The following TTN variants were observed in gnomAD, a reference collection of about 807,000 sequenced individuals.
The protein encoded by TTN is titin.
Under a neutral mutation model 3,223.0 loss-of-function variants are expected in TTN, and 1,525 were observed. That is an observed-to-expected ratio of 0.47 (90% confidence interval 0.45 to 0.49). TTN has a LOEUF of 0.49. Ranked by LOEUF, TTN falls within the 20% of genes least tolerant of loss-of-function variation. The pLI is 0.00. For synonymous variants in TTN, 14,094 were observed against 15,161.0 expected, an observed-to-expected ratio of 0.93 and a Z score of 5.17; for missense variants, 40,786 against 43,424.0, an observed-to-expected ratio of 0.94 and a Z score of 5.40.
chr2:178,574,295 G>A lies in TTN; in HGVS notation c.71837C>T (p.Ala23946Val). ...ITRHTVTLKW[A>V]KPEYTGGFKI... ...AAAGCCCCCAGTATATTCAGGCTTA[G>A]CCCATTTAAGTGTTACTGTGTGTCT... is the stretch of plus-strand genomic sequence containing the variant. Residue 23946 changes from alanine (A) to valine (V), a missense_variant, in exon 326 of 363, where the codon GCT (alanine) becomes GTT (valine). Ala to Val is a moderately conservative substitution (Grantham distance 64). Coordinates refer to ENST00000589042, the MANE Select transcript of TTN (RefSeq NM_001267550.2). 1 of 1,613,414 alleles carries A rather than the reference G, an allele frequency of 6.2e-7. No homozygotes were observed.
rs1005621705 is a variant in TTN at position 178,570,219 on chromosome 2, G to A, written c.75913C>T (p.Pro25305Ser). 17 of 1,613,344 alleles carry A rather than the reference G, an allele frequency of 1.1e-5. No individual in the cohort carries two copies. Among genetic ancestry groups the A allele is most frequent in the Non-Finnish European group, 1.4e-5 (17 of 1,179,596 alleles). Residue 25305 changes from proline to serine, a missense_variant, in exon 326 of 363, where the codon CCA (proline) becomes TCA (serine). Coordinates refer to ENST00000589042, the MANE Select transcript of TTN (RefSeq NM_001267550.2). ...ACTTCTGGAGCTTTTGGTGCATCTG[G>A]TACTACAAATGGATTCTTGGCAACT... ...PVVAKNPFVV[P>S]DAPKAPEVTT...
At position 178,767,864 on chromosome 2, in the gene TTN, A is replaced by G. The variant is rs2090765754; in HGVS notation, c.9366T>C (p.Ser3122=). 1 of 1,613,988 alleles carries G rather than the reference A, an allele frequency of 6.2e-7. No homozygotes were observed. The highest frequency in any genetic ancestry group is 8.5e-7 in the Non-Finnish European group (1 of 1,180,000). The change falls in exon 40 of 363, where the codon TCT becomes TCC. Residue 3122 remains serine (S), a synonymous_variant. Coordinates refer to ENST00000589042, the MANE Select transcript of TTN (RefSeq NM_001267550.2). ...CCACCACTGTGTACTTCCCAGCATC[A>G]GACATCCGGGTGGATGGGATCAGAA... is the stretch of plus-strand genomic sequence containing the variant. ...HRLLIPSTRM[S]DAGKYTVVAG... is the part of the protein sequence containing the mutation.
chr2:178,673,669 G>C lies in TTN; in HGVS notation c.34750C>G (p.Pro11584Ala). Residue 11584 changes from proline (P) to alanine (A), a missense_variant, in exon 152 of 363, where the codon CCT becomes GCT. By Grantham distance (27) the Pro-to-Ala change is conservative. Coordinates refer to ENST00000589042, the MANE Select transcript of TTN (RefSeq NM_001267550.2). ...IKKAVPEAPT[P>A]VPKKVEAPPA... ...GGTGCCTCCACTTTTTTAGGAACAG[G>C]AGTAGGTGCTTCAGGTACTGCTTTC... 2 of 1,593,228 alleles carry C rather than the reference G, an allele frequency of 1.3e-6. No homozygotes were observed. The highest frequency in any genetic ancestry group is 1.4e-5 in the African/African-American group (1 of 73,660).
At chr2:178,665,572 A>C in intron 164 of TTN, 112 bp from the exon 165 acceptor site, 1 of 1,355,878 alleles carries the variant, frequency 7.4e-7, no homozygotes, top group African/African-American at 1.4e-5. Context: ...CCTTTAAAGA[A>C]TCTGAGGAGG....
intron 294 of TTN, 54 bp from the exon 295 acceptor site, chr2:178,595,863 C>T: frequency 4.0e-6 from 6 of 1,494,172 alleles, no homozygotes; most frequent in South Asian, 3.9e-5. Context: ...AAAGATAATG[C>T]TCAACACTTG....
Position 178,543,536 on chromosome 2 carries a change from T to A in TTN, c.96437A>T (p.Glu32146Val), listed in dbSNP as rs1455005015. Residue 32146 changes from glutamate (E) to valine (V), a missense_variant, in exon 347 of 363, where the codon GAA becomes GTA. Glu to Val is a moderately radical substitution (Grantham distance 121). Transcript: ENST00000589042. ...PVNNYIVEKREAAMRAFKTVT... is the reference protein window; with the variant it reads ...PVNNYIVEKRVAAMRAFKTVT... ...TGTTTTGAATGCTCTCATAGCAGCTTCACGCTTCTCAACGATGTAATTGTT... is the reference window on the plus strand; with the variant it reads ...TGTTTTGAATGCTCTCATAGCAGCTACACGCTTCTCAACGATGTAATTGTT... 1 of 1,612,936 alleles carries A rather than the reference T, an allele frequency of 6.2e-7. No individual in the cohort carries two copies. Among genetic ancestry groups the A allele is most frequent in the Admixed American group, 1.7e-5 (1 of 60,004 alleles).
rs2154263836 is a variant in TTN, at chr2:178,670,257, CT to C, written c.35346del (p.Val11783TyrfsTer32). 3 of 1,494,528 alleles carry C rather than the reference CT, an allele frequency of 2.0e-6. No homozygotes were observed. Among genetic ancestry groups the C allele is most frequent in the Admixed American group, 2.4e-5 (1 of 41,386 alleles). The allele number at this position is 1,494,528 out of a possible 1,614,324, so 92.6% of individuals were successfully genotyped here. Reference sequence around the variant, plus strand: ...ACTCTGGGCTCTTCAGGAACACGTACTTTTTCTTCTACCACAATTTTCTTAG... The same window carrying C: ...ACTCTGGGCTCTTCAGGAACACGTACTTTTCTTCTACCACAATTTTCTTAG... ...EVPKKIVVEE[K>X]VRVPEEPRVP... On this transcript the variant is annotated frameshift_variant, in exon 157 of 363. Coordinates refer to ENST00000589042, the MANE Select transcript of TTN (RefSeq NM_001267550.2). LOFTEE classifies it high-confidence loss of function.
intron 118 of TTN, 105 bp downstream of exon 118, chr2:178,693,817 A>C: frequency 8.1e-7 from 1 of 1,227,774 alleles, no homozygotes; most frequent in African/African-American, 1.5e-5. Context: ...CAGAATTTAC[A>C]AGGAGACAGA....
Position 178,620,526 on chromosome 2 carries a change from A to G in TTN, c.45995T>C (p.Leu15332Pro). ...TTCTTCACCATTTTTGGTCCACTTC[A>G]GTGTTACATTGAGACGATTCACCTT... Reference protein sequence around the residue: ...WCKVNRLNVTLKWTKNGEEVP... With the variant: ...WCKVNRLNVTPKWTKNGEEVP... Residue 15332 changes from leucine to proline, a missense_variant, in exon 248 of 363, where the codon CTG (leucine) becomes CCG (proline). Leu to Pro is a moderately conservative substitution (Grantham distance 98). Transcript: ENST00000589042. 2 of 1,612,318 alleles carry G rather than the reference A, an allele frequency of 1.2e-6. No homozygotes were observed. The highest frequency in any genetic ancestry group is 1.7e-6 in the Non-Finnish European group (2 of 1,178,976).
Position 178,535,158 on chromosome 2 carries a change from A to G in TTN, c.101457T>C (p.Tyr33819=), listed in dbSNP as rs2154136471. The change falls in exon 358 of 363, where the codon TAT becomes TAC. Residue 33819 remains tyrosine (Y), a synonymous_variant. Transcript: ENST00000589042. ...HSSTKELYEK[Y]MIAEDLGRGE... is the part of the protein sequence containing the mutation. ...CACGCCCAAGATCTTCAGCAATCAT[A>G]TATTTCTCATAGAGTTCCTTGGTTG... 1 of 1,613,872 alleles carries G rather than the reference A, an allele frequency of 6.2e-7. No individual in the cohort carries two copies. Among genetic ancestry groups the G allele is most frequent in the South Asian group, 1.1e-5 (1 of 91,076 alleles).
In TTN at chr2:178,562,933, A is replaced by G; in HGVS notation, c.83199T>C (p.Ile27733=). The change falls in exon 326 of 363, where the codon ATT becomes ATC. Residue 27733 remains isoleucine, a synonymous_variant. Transcript: ENST00000589042. ...EVTSSFTMLV[I]DNVTRFDSGR... ...CACTGTCAAATCTGGTAACATTATC[A>G]ATCACCAACATTGTAAATGAGCTGG... 6.2e-7 allele frequency: 1 copy of G among 1,613,652 alleles called. No individual in the cohort carries two copies. The highest frequency in any genetic ancestry group is 8.5e-7 in the Non-Finnish European group (1 of 1,179,748).
intron 88 of TTN, among the ~76,000 whole-genome samples, chr2:178,716,811 T>C (rs747299724): frequency 1.3e-5 from 2 of 152,206 alleles, no homozygotes; most frequent in Non-Finnish European, 2.9e-5. Context: ...TCTTTCAAAC[T>C]AGGATTTTCT....
Position 178,689,852 on chromosome 2 carries a change from C to T in TTN, c.31807G>A (p.Val10603Ile), listed in dbSNP as rs139790668. 287 of 1,613,094 alleles carry T rather than the reference C, an allele frequency of 1.8e-4. 1 individual carries two copies. In the African/African-American group the frequency reaches 2.7e-3, roughly 15 times the overall value. ...KKPVPEEKIP[V>I]PVAKKKEAPP... ...GCTTCCTTTTTCTTTGCAACAGGAA[C>T]GGGAATCTTTTCTTCAGGGACAGGT... Residue 10603 changes from valine to isoleucine, a missense_variant, in exon 122 of 363, where the codon GTT becomes ATT. Coordinates refer to ENST00000589042, the MANE Select transcript of TTN (RefSeq NM_001267550.2).
Position 178,725,980 on chromosome 2 carries a change from T to G in TTN, c.20342A>C (p.Glu6781Ala). The change falls in exon 70 of 363, where the codon GAA becomes GCA. Residue 6781 changes from glutamate (E) to alanine (A), a missense_variant. Coordinates refer to ENST00000589042, the MANE Select transcript of TTN (RefSeq NM_001267550.2). ...ETLKNAEVSL[E>A]CELSGTPPFE... Reference sequence around the variant, plus strand: ...CGGTGGTGTTCCCGAAAGTTCACATTCAAGACTGACTTCAGCATTTTTAAG... The same window carrying G: ...CGGTGGTGTTCCCGAAAGTTCACATGCAAGACTGACTTCAGCATTTTTAAG... The G allele has an allele frequency of 1.2e-6, 2 of 1,609,386 alleles. No individual in the cohort carries two copies. The highest frequency in any genetic ancestry group is 1.7e-6 in the Non-Finnish European group (2 of 1,177,286).
At chr2:178,771,918 G>T (rs1489693718) in intron 33 of TTN, among the ~76,000 whole-genome samples, 1 of 152,146 alleles carries the variant, frequency 6.6e-6, no homozygotes, top group East Asian at 1.9e-4. Flanking sequence ...AAAAATCACT[G>T]TGTTGGCAAA....
chr2:178,536,019 C>T lies in TTN; in HGVS notation c.100728G>A (p.Gly33576=), dbSNP rs2154137144. 1 of 1,568,292 alleles carries T rather than the reference C, an allele frequency of 6.4e-7. No homozygotes were observed. The highest frequency in any genetic ancestry group is 8.6e-7 in the Non-Finnish European group (1 of 1,156,428). ...TVYQVRATNQ[G]GSVSGTASLE... ...AGGAGGCAGTGCCAGACACAGATCC[C>T]CCTTGGTTGGTAGCTCTGACTTGGT... Residue 33576 remains glycine (G), a synonymous_variant, in exon 357 of 363, where the codon GGG becomes GGA. Coordinates refer to ENST00000589042, the MANE Select transcript of TTN (RefSeq NM_001267550.2).
chr2:178,546,046 G>A lies in TTN; in HGVS notation c.95190C>T (p.Ser31730=). Residue 31730 remains serine, a synonymous_variant, in exon 343 of 363, where the codon AGC becomes AGT. Transcript: ENST00000589042. ...CTGCTCCTCCGTCTTCCTGCGGAAG[G>A]CTCCAGGCTAAAGTGCACTTCTCCT... ...VTQEKCTLAW[S]LPQEDGGAEI... 6.2e-7 allele frequency: 1 copy of A among 1,613,780 alleles called. No homozygotes were observed. The highest frequency in any genetic ancestry group is 8.5e-7 in the Non-Finnish European group (1 of 1,179,750).
intron 127 of TTN, 69 bp from the exon 128 acceptor site, chr2:178,685,667 A>G (rs2070668651): frequency 6.7e-7 from 1 of 1,483,972 alleles, no homozygotes; most frequent in Admixed American, 1.9e-5. Context: ...GCTTTAATTT[A>G]TCACTTCAAA....
chr2:178,639,900 T>G, intron 222 of TTN, 112 bp from the exon 223 acceptor site: 1 of 1,429,534 alleles, frequency 7.0e-7, no homozygotes, highest in Non-Finnish European at 9.5e-7. Flanking sequence ...AATAACTAGT[T>G]TTTAAGAGAA....
Sources: gnomAD v4.1 joint callset for allele counts (sites outside exome capture counted in the v4.1 genomes callset) on GRCh38, gnomAD v4.1.1 for gene constraint, MANE v1.5 for transcripts, NCBI Gene and HGNC (gene_info 2026-07-23, HGNC 2026-07-21) for gene names.